Variants in FBXW4 observed in about 807,000 individuals in gnomAD.
The protein encoded by FBXW4 is F-box/WD repeat-containing protein 4.
In FBXW4, 40 loss-of-function variants were observed where a neutral mutation model predicts 61.8. That is an observed-to-expected ratio of 0.65 (90% CI 0.50 to 0.84). The LOEUF is 0.84. Ranked by LOEUF, FBXW4 falls within the 40% of genes least tolerant of loss-of-function variation. FBXW4 has a pLI of 0.00. For missense variants in FBXW4, 672 were observed against 753.8 expected, an observed-to-expected ratio of 0.89 and a Z score of 1.27; for synonymous variants, 311 against 313.8, an observed-to-expected ratio of 0.99 and a Z score of 0.10.
intron 5 of FBXW4, among the ~76,000 whole-genome samples, chr10:101,651,483 T>C (rs1564914714): frequency 6.6e-6 from 1 of 152,142 alleles, no homozygotes; most frequent in Non-Finnish European, 1.5e-5. Flanking sequence ...TGTGAGAAAG[T>C]GGTGAATCAG....
At position 101,649,295 on chromosome 10, in the gene FBXW4, A is replaced by G. The variant is rs990437735; in HGVS notation, c.1235+18591T>C. ...ATTGCCCTCCCAGCCAGGCCTTGGC[A>G]GGGCAGCCCAGGGAAGTCACAGTGC... is the stretch of plus-strand genomic sequence containing the variant. On this transcript the variant is annotated intron_variant, in intron 5 of 8. Transcript: ENST00000331272. 2.0e-5 allele frequency among the ~76,000 whole-genome samples: 3 copies of G among 152,184 alleles called. No individual in the cohort carries two copies. The East Asian group carries it at 5.8e-4, about 29-fold the overall frequency.
chr10:101,647,546 G>C (rs901753717), intron 5 of FBXW4, among the ~76,000 whole-genome samples: 7 of 152,234 alleles, frequency 4.6e-5, no homozygotes, highest in African/African-American at 1.7e-4. Context: ...CCAATGGCAT[G>C]TTTTTGTCTT....
chr10:101,685,540 A>T (rs887054406), intron 1 of FBXW4, among the ~76,000 whole-genome samples: 1 of 152,240 alleles, frequency 6.6e-6, no homozygotes, highest in Non-Finnish European at 1.5e-5. Flanking sequence ...TAAAGATTGC[A>T]TGTTCAGAGG....
chr10:101,645,271 G>C (rs529515754), intron 5 of FBXW4, among the ~76,000 whole-genome samples: 26 of 152,152 alleles, frequency 1.7e-4, no homozygotes, highest in Non-Finnish European at 3.2e-4. Flanking sequence ...CTTCTTTTTG[G>C]GGGGAAGCCC....
intron 5 of FBXW4, among the ~76,000 whole-genome samples, chr10:101,631,773 G>A (rs962591598): frequency 2.0e-5 from 3 of 151,916 alleles, no homozygotes; most frequent in Non-Finnish European, 4.4e-5. Flanking sequence ...GAATATAGGC[G>A]CATGCCACCA....
At chr10:101,661,842 C>T (rs1428530974) in intron 5 of FBXW4, among the ~76,000 whole-genome samples, 2 of 152,184 alleles carry the variant, frequency 1.3e-5, no homozygotes, top group Non-Finnish European at 2.9e-5. Flanking sequence ...GTCCCCAAGT[C>T]AGCTACAGTC....
intron 6 of FBXW4, among the ~76,000 whole-genome samples, chr10:101,621,450 C>T (rs1267216078): frequency 6.6e-6 from 1 of 152,108 alleles, no homozygotes; most frequent in Middle Eastern, 3.2e-3. Flanking sequence ...ACCATTTGAG[C>T]CCAGGAGTTC....
chr10:101,655,042 C>G (rs541621555), intron 5 of FBXW4, among the ~76,000 whole-genome samples: 1 of 152,218 alleles, frequency 6.6e-6, no homozygotes, highest in South Asian at 2.1e-4. Context: ...GTTGCCCAAG[C>G]TGGTCTTGAG....
intron 1 of FBXW4, among the ~76,000 whole-genome samples, chr10:101,684,664 A>G (rs929742832): frequency 6.6e-6 from 1 of 152,218 alleles, no homozygotes; most frequent in Non-Finnish European, 1.5e-5. Flanking sequence ...TCTTCTATCA[A>G]TGCTAAGAAC....
chr10:101,636,330 C>A (rs998580407), intron 5 of FBXW4, among the ~76,000 whole-genome samples: 1 of 151,166 alleles, frequency 6.6e-6, no homozygotes, highest in African/African-American at 2.4e-5. Flanking sequence ...TGCACTCCAG[C>A]CTGGGTGAGA....
chr10:101,664,148 T>C (rs1032192273), intron 5 of FBXW4, among the ~76,000 whole-genome samples: 1 of 152,212 alleles, frequency 6.6e-6, no homozygotes, highest in Non-Finnish European at 1.5e-5. Context: ...CACAGACAGA[T>C]ACTTGCTTTC....
chr10:101,615,349 C>T (rs2063818385), intron 6 of FBXW4, among the ~76,000 whole-genome samples: 1 of 152,032 alleles, frequency 6.6e-6, no homozygotes, highest in African/African-American at 2.4e-5. Flanking sequence ...GCCCAGGCCT[C>T]CAGGATCCAC....
Position 101,695,057 on chromosome 10 carries a change from C to T in FBXW4, c.49G>A (p.Glu17Lys). ...TTCCTCGCCTCTCCGCCCTCGCCCT[C>T]GCCGGGCCCGCCGTTCCCGGGGGGC... ...SGPPGNGGPG[E>K]GEGGEARKLQ... is the part of the protein sequence containing the mutation. Residue 17 changes from glutamate (E) to lysine (K), a missense_variant, in exon 1 of 9, where the codon GAG becomes AAG. Physicochemically the swap from Glu to Lys is moderately conservative, Grantham distance 56. Transcript: ENST00000331272. The surrounding 1 kb of genome is among the most constrained non-coding windows in gnomAD (Gnocchi z 4.2). 2 of 995,080 alleles carry T rather than the reference C, an allele frequency of 2.0e-6. No individual in the cohort carries two copies. Among genetic ancestry groups the T allele is most frequent in the East Asian group, 1.1e-4 (1 of 9,502 alleles). The allele number at this position is 995,080 out of a possible 1,614,324, so 61.6% of individuals were successfully genotyped here. A position where few individuals can be genotyped will look rare whatever the true frequency, so the allele number is the denominator to read the frequency against.
intron 5 of FBXW4, among the ~76,000 whole-genome samples, chr10:101,659,913 G>T (rs896521647): frequency 6.6e-6 from 1 of 152,172 alleles, no homozygotes; most frequent in African/African-American, 2.4e-5. Flanking sequence ...GGGGTAGGTG[G>T]AAGTATTTGT....
chr10:101,684,924 A>G (rs2134915142), intron 1 of FBXW4, among the ~76,000 whole-genome samples: 1 of 152,358 alleles, frequency 6.6e-6, no homozygotes, highest in South Asian at 2.1e-4. Context: ...GGACAAGACC[A>G]TGCACAAAGA....
intron 1 of FBXW4, among the ~76,000 whole-genome samples, chr10:101,692,238 A>G (rs60239868): frequency 0.026 from 3,999 of 151,882 alleles, 180 homozygotes; most frequent in African/African-American, 0.088. Flanking sequence ...TATCAGTGAC[A>G]CACAATGAAG....
At chr10:101,633,362 A>G (rs2063974324) in intron 5 of FBXW4, among the ~76,000 whole-genome samples, 1 of 152,178 alleles carries the variant, frequency 6.6e-6, no homozygotes, top group African/African-American at 2.4e-5. Flanking sequence ...CAGAAAACCA[A>G]ACACTGCATG....
intron 5 of FBXW4, chr10:101,659,978 G>T (rs1016819977): frequency 1.1e-4 from 56 of 510,822 alleles, no homozygotes; most frequent in Non-Finnish European, 1.3e-4. Flanking sequence ...ATGGAAATCT[G>T]TATCTTAGAA....
intron 5 of FBXW4, among the ~76,000 whole-genome samples, chr10:101,665,852 A>G (rs1272913880): frequency 6.6e-6 from 1 of 152,164 alleles, no homozygotes; most frequent in African/African-American, 2.4e-5. Context: ...GTAGGGATGC[A>G]GGGCAGAGCC....
Sources: gnomAD v4.1 joint callset for allele counts (sites outside exome capture counted in the v4.1 genomes callset) on GRCh38, gnomAD v4.1.1 for gene constraint, Gnocchi (gnomAD v3.1) non-coding constraint, MANE v1.5 for transcripts, NCBI Gene and HGNC (gene_info 2026-07-23, HGNC 2026-07-21) for gene names.